Variants in CTNNA2 observed in about 807,000 individuals in gnomAD.
CTNNA2 encodes the protein catenin alpha-2.
A neutral mutation model predicts 101.0 loss-of-function variants in CTNNA2; 42 were observed. The observed-to-expected ratio is 0.42, with a 90% CI of 0.32 to 0.54. CTNNA2 has a LOEUF of 0.54. CTNNA2 is among the 20% of genes least tolerant of loss of function. CTNNA2 has a pLI of 0.14. For synonymous variants in CTNNA2, 450 were observed against 456.4 expected (o/e 0.99, Z 0.18); for missense variants, 871 against 1,223.1 (o/e 0.71, Z 4.29).
intron 7 of CTNNA2, among the ~76,000 whole-genome samples, chr2:79,996,538 T>C (rs2103931513): frequency 6.6e-6 from 1 of 152,326 alleles, no homozygotes; most frequent in African/African-American, 2.4e-5. Flanking sequence ...ATTTTTGTTT[T>C]CAAATTGCTT....
At chr2:80,522,284 A>T (rs1689635897) in intron 9 of CTNNA2, among the ~76,000 whole-genome samples, 1 of 152,176 alleles carries the variant, frequency 6.6e-6, no homozygotes, top group African/African-American at 2.4e-5. Context: ...AGTCTTAATG[A>T]GTGCTGCAGT....
chr2:79,936,826 C>G (rs1002553734), intron 7 of CTNNA2, among the ~76,000 whole-genome samples: 2 of 152,110 alleles, frequency 1.3e-5, no homozygotes, highest in African/African-American at 4.8e-5. Flanking sequence ...GAGGCCTGTG[C>G]AGATGAAGAG....
intron 1 of CTNNA2, among the ~76,000 whole-genome samples, chr2:79,186,281 A>T (rs529028529): frequency 6.6e-6 from 1 of 152,338 alleles, no homozygotes; most frequent in African/African-American, 2.4e-5. Context: ...AAAAGTATAG[A>T]CATGAATTTA....
chr2:80,223,551 G>C (rs1290502250), intron 7 of CTNNA2, among the ~76,000 whole-genome samples: 3 of 152,204 alleles, frequency 2.0e-5, no homozygotes, highest in Non-Finnish European at 2.9e-5. Flanking sequence ...TGGGATTACA[G>C]GCGTGAGCCA....
intron 7 of CTNNA2, among the ~76,000 whole-genome samples, chr2:79,922,536 C>T: frequency 6.6e-6 from 1 of 151,550 alleles, no homozygotes; most frequent in African/African-American, 2.4e-5. Flanking sequence ...CTTTTTTTTT[C>T]CACCGCTGCC....
chr2:79,213,044 G>A (rs1286594616), intron 2 of CTNNA2, among the ~76,000 whole-genome samples: 1 of 152,170 alleles, frequency 6.6e-6, no homozygotes, highest in Admixed American at 6.5e-5. Flanking sequence ...CTGTGAGGCT[G>A]GAAGGAGATA....
At chr2:80,289,291 A>C (rs1226870517) in intron 7 of CTNNA2, 1 of 152,166 alleles carries the variant, frequency 6.6e-6, no homozygotes, top group Non-Finnish European at 1.5e-5. Flanking sequence ...GGATCTTTGT[A>C]ACTTCCCTCT....
chr2:80,226,168 C>T (rs1270257643), intron 7 of CTNNA2, among the ~76,000 whole-genome samples: 3 of 152,188 alleles, frequency 2.0e-5, no homozygotes, highest in Non-Finnish European at 4.4e-5. Context: ...TTTTGTGGAA[C>T]ATACCTAAAT....
At chr2:79,932,466 A>T (rs1428847499) in intron 7 of CTNNA2, among the ~76,000 whole-genome samples, 2 of 151,080 alleles carry the variant, frequency 1.3e-5, no homozygotes, top group Non-Finnish European at 2.9e-5. Flanking sequence ...ATGCTGAGAT[A>T]CTTGTGTGTG....
intron 2 of CTNNA2, among the ~76,000 whole-genome samples, chr2:79,221,346 C>A (rs1342396877): frequency 1.3e-5 from 2 of 152,058 alleles, no homozygotes; most frequent in Non-Finnish European, 2.9e-5. Context: ...AGAGATGGAG[C>A]CTTGCTATGT....
intron 3 of CTNNA2, among the ~76,000 whole-genome samples, chr2:79,756,683 G>T (rs1376998372): frequency 6.6e-6 from 1 of 152,090 alleles, no homozygotes; most frequent in African/African-American, 2.4e-5. Context: ...TTTGATGAAA[G>T]ACTTATATCC....
chr2:79,812,460 C>T (rs926914382), intron 3 of CTNNA2, among the ~76,000 whole-genome samples: 4 of 152,026 alleles, frequency 2.6e-5, no homozygotes, highest in East Asian at 1.9e-4. Context: ...TATTTTTCAG[C>T]GGCATTTATT....
chr2:79,511,603 G>T (rs79285146), upstream of CTNNA2, among the ~76,000 whole-genome samples: 1,661 of 152,034 alleles, frequency 0.011, 89 homozygotes, highest in East Asian at 0.14. Context: ...TTTTTCCCAG[G>T]AATTTTTAAA....
chr2:79,903,608 A>G (rs544821562), intron 6 of CTNNA2, among the ~76,000 whole-genome samples: 3 of 152,228 alleles, frequency 2.0e-5, no homozygotes, highest in African/African-American at 7.2e-5. Context: ...ATGTATAAGG[A>G]GGAATTGCCT....
intron 7 of CTNNA2, among the ~76,000 whole-genome samples, chr2:80,387,595 A>G (rs1404284977): frequency 1.3e-5 from 2 of 152,144 alleles, no homozygotes; most frequent in East Asian, 3.9e-4. Flanking sequence ...TTAATTGTAA[A>G]AAGAGAAATT....
chr2:79,948,138 A>G (rs1574383681), intron 7 of CTNNA2, among the ~76,000 whole-genome samples: 1 of 152,190 alleles, frequency 6.6e-6, no homozygotes, highest in African/African-American at 2.4e-5. Context: ...AGTTATTTCC[A>G]TAGCCATTAA....
chr2:80,327,892 C>T (rs774274202), intron 7 of CTNNA2, among the ~76,000 whole-genome samples: 5 of 152,208 alleles, frequency 3.3e-5, no homozygotes, highest in Non-Finnish European at 5.9e-5. Flanking sequence ...GTGTGGGAAA[C>T]CATCTGAGCT....
intron 9 of CTNNA2, among the ~76,000 whole-genome samples, chr2:80,542,349 G>C (rs1691647027): frequency 6.6e-6 from 1 of 151,918 alleles, no homozygotes; most frequent in African/African-American, 2.4e-5. Flanking sequence ...TTTTATGATT[G>C]CATGTATGTA....
intron 10 of CTNNA2, among the ~76,000 whole-genome samples, chr2:80,545,704 A>C (rs1433606636): frequency 6.6e-6 from 1 of 152,212 alleles, no homozygotes; most frequent in African/African-American, 2.4e-5. Context: ...GCAAACTATT[A>C]TGTCTTAAAA....
Sources: allele counts gnomAD v4.1 joint callset (sites outside exome capture counted in the v4.1 genomes callset), GRCh38; gene constraint gnomAD v4.1.1; transcripts MANE v1.5; gene names NCBI Gene and HGNC (gene_info 2026-07-23, HGNC 2026-07-21).